Variants in EDARADD observed in about 807,000 individuals in gnomAD.
EDARADD encodes the protein EDAR associated via death domain.
In EDARADD, 20 loss-of-function variants were observed where a neutral mutation model predicts 25.6. That is an observed-to-expected ratio of 0.78 (90% confidence interval 0.55 to 1.14). The LOEUF is 1.14. Ranked by LOEUF, EDARADD falls within the 50% of genes most tolerant of loss-of-function variation. The pLI is 0.00. For synonymous variants in EDARADD, 86 were observed against 94.4 expected, an observed-to-expected ratio of 0.91 and a Z score of 0.52; for missense variants, 225 against 270.1, an observed-to-expected ratio of 0.83 and a Z score of 1.17.
chr1:236,483,486 GC>G lies in EDARADD; in HGVS notation c.*838del. The G allele has an allele frequency of 9.8e-7, 1 of 1,016,782 alleles. No homozygotes were observed. Among genetic ancestry groups the G allele is most frequent in the Non-Finnish European group, 1.6e-6 (1 of 638,308 alleles). 63.0% of individuals were successfully genotyped at this position (1,016,782 alleles called of 1,614,324 possible). A position where few individuals can be genotyped will look rare whatever the true frequency, so the allele number is the denominator to read the frequency against. ...AACAGAAAATAAATCTAAATTTGGT[GC>G]AAATGCCATTCTGGGAGTGTCCCTC... On this transcript the variant is annotated 3_prime_UTR_variant, in exon 6 of 6. Transcript: ENST00000334232.
chr1:236,405,790 T>TTTCTTTCTTTTTCTTTCTTTC, intron 1 of EDARADD, among the ~76,000 whole-genome samples: 1 of 49,562 alleles, frequency 2.0e-5, no homozygotes, highest in Admixed American at 2.3e-4. Context: ...TCTTTCTTTC[T>TTTCTTTCTTTTTCTTTCTTTC]TTTCTTTTTC....
At position 236,398,149 on chromosome 1, in the gene EDARADD, G is replaced by C. The variant is rs1667553042; in HGVS notation, c.61+3644G>C. Among the ~76,000 whole-genome samples, 1 of 152,000 alleles carries C rather than the reference G, an allele frequency of 6.6e-6. No individual in the cohort carries two copies. Among genetic ancestry groups the C allele is most frequent in the African/African-American group, 2.4e-5 (1 of 41,386 alleles). ...TTTATTATTATTATTTTTCAAGATG[G>C]AGTCTCACTCTGTCACCCAGGCTGG... On this transcript the variant is annotated intron_variant, in intron 1 of 5. Coordinates refer to ENST00000334232, the MANE Select transcript of EDARADD (RefSeq NM_145861.4). The surrounding 1 kb of genome is among the most constrained non-coding windows in gnomAD (Gnocchi z 4.1).
intron 3 of EDARADD, among the ~76,000 whole-genome samples, chr1:236,356,797 G>A (rs1558099214): frequency 6.6e-6 from 1 of 151,834 alleles, no homozygotes; most frequent in African/African-American, 2.4e-5. Context: ...GAATGTTCTT[G>A]ATGAGGCCAG....
chr1:236,464,080 A>G (rs1230764746), intron 4 of EDARADD, among the ~76,000 whole-genome samples: 1 of 152,124 alleles, frequency 6.6e-6, no homozygotes, highest in Non-Finnish European at 1.5e-5. Flanking sequence ...GTGGCATTTC[A>G]GGCCTACACA....
intron 3 of EDARADD, among the ~76,000 whole-genome samples, chr1:236,423,776 A>G (rs936416407): frequency 1.3e-5 from 2 of 152,196 alleles, no homozygotes; most frequent in East Asian, 3.9e-4. Context: ...GGCATGGGGT[A>G]TGGAAGCCTT....
At chr1:236,419,130 C>A (rs2103012716) in intron 3 of EDARADD, among the ~76,000 whole-genome samples, 1 of 152,224 alleles carries the variant, frequency 6.6e-6, no homozygotes, top group South Asian at 2.1e-4. Context: ...AATTCAAGTT[C>A]TTTGCCAGTG....
At chr1:236,465,480 C>T (rs1659162492) in intron 4 of EDARADD, among the ~76,000 whole-genome samples, 1 of 152,180 alleles carries the variant, frequency 6.6e-6, no homozygotes, top group South Asian at 2.1e-4. Flanking sequence ...CTCCCAAGTC[C>T]CCACTGCCCA....
At chr1:236,461,316 G>C (rs1283541180) in intron 4 of EDARADD, among the ~76,000 whole-genome samples, 1 of 152,170 alleles carries the variant, frequency 6.6e-6, no homozygotes, top group Non-Finnish European at 1.5e-5. Flanking sequence ...CATTGATTTT[G>C]ATTTGATTTT....
At chr1:236,370,422 A>C (rs1667161445) in intron 3 of EDARADD, among the ~76,000 whole-genome samples, 1 of 151,898 alleles carries the variant, frequency 6.6e-6, no homozygotes, top group Non-Finnish European at 1.5e-5. Flanking sequence ...CTCTGTCTCC[A>C]AAAAAAAGGC....
chr1:236,468,814 G>C (rs918047661), intron 5 of EDARADD, among the ~76,000 whole-genome samples: 3 of 152,134 alleles, frequency 2.0e-5, no homozygotes, highest in African/African-American at 7.2e-5. Flanking sequence ...GGCACGGCAG[G>C]GTTCTGAATG....
intron 3 of EDARADD, among the ~76,000 whole-genome samples, chr1:236,372,238 G>A (rs745460713): frequency 2.0e-5 from 3 of 151,894 alleles, no homozygotes; most frequent in Non-Finnish European, 4.4e-5. Context: ...TTACAGATAT[G>A]AGCCACCATG....
intron 5 of EDARADD, among the ~76,000 whole-genome samples, chr1:236,477,959 C>T (rs1195731915): frequency 2.6e-5 from 4 of 151,822 alleles, no homozygotes; most frequent in East Asian, 1.9e-4. Context: ...AAAAATTAGA[C>T]GGGTGTGATG....
At chr1:236,424,602 A>G (rs1657863515) in intron 3 of EDARADD, among the ~76,000 whole-genome samples, 1 of 151,992 alleles carries the variant, frequency 6.6e-6, no homozygotes, top group Non-Finnish European at 1.5e-5. Flanking sequence ...ACCTCAAATC[A>G]GTATCATCAG....
chr1:236,479,946 T>C (rs1443422016), intron 5 of EDARADD, among the ~76,000 whole-genome samples: 2 of 151,608 alleles, frequency 1.3e-5, no homozygotes, highest in Non-Finnish European at 2.9e-5. Flanking sequence ...CTTGGGAGGC[T>C]GAGGCAGGAG....
At position 236,405,862 on chromosome 1, in the gene EDARADD, C is replaced by T. The variant is rs796614509; in HGVS notation, c.62-3354C>T. Among the ~76,000 whole-genome samples, 59 of 45,432 alleles carry T rather than the reference C, an allele frequency of 1.3e-3. 1 individual carries two copies. The highest frequency in any genetic ancestry group is 3.5e-3 in the African/African-American group (36 of 10,340). The allele number at this position is 45,432 out of a possible 152,430, so 29.8% of individuals were successfully genotyped here. ...CCTTCCTTCCTTCCTTCCTTCCTTC[C>T]TTCCTTCCTTCCTTCTTTCTTTCTT... is the stretch of plus-strand genomic sequence containing the variant. On this transcript the variant is annotated intron_variant, in intron 1 of 5. Coordinates refer to ENST00000334232, the MANE Select transcript of EDARADD (RefSeq NM_145861.4).
intron 3 of EDARADD, among the ~76,000 whole-genome samples, chr1:236,365,198 C>G (rs979113678): frequency 6.6e-6 from 1 of 151,046 alleles, no homozygotes; most frequent in African/African-American, 2.4e-5. Context: ...GGGTCTTTCT[C>G]TGTCACTCAT....
intron 4 of EDARADD, among the ~76,000 whole-genome samples, chr1:236,467,434 A>ACG (rs1558134971): frequency 6.7e-6 from 1 of 149,230 alleles, no homozygotes; most frequent in Non-Finnish European, 1.5e-5. Context: ...GCGCACACAC[A>ACG]CACACACACA....
At chr1:236,448,429 G>C (rs1207573271) in intron 4 of EDARADD, among the ~76,000 whole-genome samples, 1 of 152,166 alleles carries the variant, frequency 6.6e-6, no homozygotes, top group Non-Finnish European at 1.5e-5. Context: ...TCTGATCCTA[G>C]AGTCAGCCCC....
upstream of EDARADD, among the ~76,000 whole-genome samples, chr1:236,390,149 T>C (rs1174125644): frequency 1.3e-5 from 2 of 152,046 alleles, no homozygotes; most frequent in East Asian, 3.9e-4. Flanking sequence ...ACAGTGAACT[T>C]TGGGGACTTG....
Sources: allele counts gnomAD v4.1 joint callset (sites outside exome capture counted in the v4.1 genomes callset), GRCh38; gene constraint gnomAD v4.1.1; non-coding constraint Gnocchi (gnomAD v3.1); transcripts MANE v1.5; gene names NCBI Gene and HGNC (gene_info 2026-07-23, HGNC 2026-07-21).